SLC26A7: variants seen among roughly 807,000 people sequenced by gnomAD.
SLC26A7 encodes the protein solute carrier family 26 member 7.
A neutral mutation model predicts 82.5 loss-of-function variants in SLC26A7; 59 were observed. The ratio of observed to expected loss-of-function variants is 0.72; its 90% confidence interval spans 0.58 to 0.89. SLC26A7 has a LOEUF of 0.89. SLC26A7 is among the 40% of genes least tolerant of loss of function. The pLI is 0.00. For synonymous variants in SLC26A7, 271 were observed against 274.3 expected (o/e 0.99, Z 0.12); for missense variants, 820 against 793.0 (o/e 1.03, Z -0.41).
At chr8:91,365,283 TACACTA>T (rs1254987229) in intron 13 of SLC26A7, among the ~76,000 whole-genome samples, 1 of 152,210 alleles carries the variant, frequency 6.6e-6, no homozygotes, top group Non-Finnish European at 1.5e-5. Context: ...ACACATAAAA[TACACTA>T]ACACTAATGA....
intron 9 of SLC26A7, 72 bp from the exon 10 acceptor site, chr8:91,351,738 A>T: frequency 1.1e-6 from 1 of 916,486 alleles, no homozygotes. Flanking sequence ...TATCCCCCCC[A>T]CCCCATAACT....
intron 2 of SLC26A7, among the ~76,000 whole-genome samples, chr8:91,228,510 A>G (rs1810267777): frequency 6.6e-6 from 1 of 152,364 alleles, no homozygotes; most frequent in South Asian, 2.1e-4. Flanking sequence ...AGCCTGGATC[A>G]TGAGTTTCAG....
intron 2 of SLC26A7, among the ~76,000 whole-genome samples, chr8:91,233,592 A>AAAAAAG (rs776680231): frequency 1.7e-3 from 258 of 152,078 alleles, no homozygotes; most frequent in Non-Finnish European, 1.3e-3. Context: ...AGAAAAAGAA[A>AAAAAAG]AAAAAGAAAA....
At chr8:91,253,370 C>T (rs1810711873) in intron 2 of SLC26A7, among the ~76,000 whole-genome samples, 1 of 152,106 alleles carries the variant, frequency 6.6e-6, no homozygotes. Flanking sequence ...TTTCTATCCC[C>T]TCTCATTTTA....
intron 2 of SLC26A7, among the ~76,000 whole-genome samples, 188 bp from the exon 3 acceptor site, chr8:91,288,948 G>C (rs1359611914): frequency 2.0e-5 from 3 of 152,108 alleles, no homozygotes; most frequent in Non-Finnish European, 2.9e-5. Context: ...AATGGTTTTT[G>C]GAATCATAAC....
In SLC26A7 at chr8:91,397,570, A is replaced by G. The variant is rs1473159946; in HGVS notation, c.*2473A>G. The G allele has an allele frequency of 6.6e-6, 1 of 152,584 alleles. No homozygotes were observed. Among genetic ancestry groups the G allele is most frequent in the East Asian group, 1.9e-4 (1 of 5,202 alleles). The allele number at this position is 152,584 out of a possible 1,614,324, so 9.5% of individuals were successfully genotyped here. ...ATATAAATTAAGCATAAAATATGTAACCAGGAAAAGACTGTTAACATTACA... is the reference window on the plus strand; with the variant it reads ...ATATAAATTAAGCATAAAATATGTAGCCAGGAAAAGACTGTTAACATTACA... On this transcript the variant is annotated 3_prime_UTR_variant, in exon 19 of 19. Transcript: ENST00000276609.
At chr8:91,374,390 T>G (rs1188539474) in intron 15 of SLC26A7, among the ~76,000 whole-genome samples, 1 of 151,892 alleles carries the variant, frequency 6.6e-6, no homozygotes, top group East Asian at 1.9e-4. Context: ...ACACTGTTTT[T>G]TTTTTTGCTG....
intron 2 of SLC26A7, among the ~76,000 whole-genome samples, chr8:91,232,421 T>C (rs892021661): frequency 2.6e-5 from 4 of 152,238 alleles, no homozygotes; most frequent in African/African-American, 9.6e-5. Context: ...AGGGATACTT[T>C]ATTGTTAAAA....
chr8:91,374,667 G>T (rs1324795961), intron 15 of SLC26A7, among the ~76,000 whole-genome samples: 3 of 151,944 alleles, frequency 2.0e-5, no homozygotes, highest in Non-Finnish European at 4.4e-5. Flanking sequence ...CAATTTTACA[G>T]AATGTTCCAT....
At position 91,345,509 on chromosome 8, in the gene SLC26A7, A is replaced by G. The variant is rs552970043; in HGVS notation, c.1140+2043A>G. On this transcript the variant is annotated intron_variant, in intron 9 of 18. Coordinates refer to ENST00000276609, the MANE Select transcript of SLC26A7 (RefSeq NM_052832.4). ...TTATTTAGCACAATGCTTGAGCACT[A>G]AATGTCCTTAAAATGTTAAAAATGA... is the stretch of plus-strand genomic sequence containing the variant. 5.3e-5 allele frequency among the ~76,000 whole-genome samples: 8 copies of G among 152,328 alleles called. No individual in the cohort carries two copies. In the East Asian group the frequency reaches 1.5e-3, roughly 29 times the overall value.
chr8:91,289,426 T>A (rs941118985), intron 3 of SLC26A7, among the ~76,000 whole-genome samples, 180 bp downstream of exon 3: 11 of 152,222 alleles, frequency 7.2e-5, no homozygotes, highest in Non-Finnish European at 1.5e-4. Context: ...ATTGCTATAT[T>A]ACTGTGTAGC....
chr8:91,299,947 A>G (rs184910294), intron 4 of SLC26A7, among the ~76,000 whole-genome samples: 20 of 152,378 alleles, frequency 1.3e-4, no homozygotes, highest in Non-Finnish European at 2.8e-4. Context: ...GTTAAAAAAT[A>G]TAAGTCAAGT....
intron 11 of SLC26A7, among the ~76,000 whole-genome samples, chr8:91,361,059 T>C (rs1814035829): frequency 6.6e-6 from 1 of 152,142 alleles, no homozygotes; most frequent in African/African-American, 2.4e-5. Context: ...AGATGATGGA[T>C]CTTAACATGA....
At chr8:91,233,627 G>A (rs1017345282) in intron 2 of SLC26A7, among the ~76,000 whole-genome samples, 4 of 151,674 alleles carry the variant, frequency 2.6e-5, no homozygotes, top group Non-Finnish European at 5.9e-5. Flanking sequence ...TAGGAGAGGG[G>A]TGTGGAACCT....
At chr8:91,211,243 G>A (rs1048573642) in intron 1 of SLC26A7, among the ~76,000 whole-genome samples, 1 of 151,854 alleles carries the variant, frequency 6.6e-6, no homozygotes, top group Non-Finnish European at 1.5e-5. Flanking sequence ...ATGGATTCTA[G>A]CGTTATTAAA....
At chr8:91,258,601 G>A (rs1810872124) in intron 2 of SLC26A7, among the ~76,000 whole-genome samples, 1 of 152,044 alleles carries the variant, frequency 6.6e-6, no homozygotes, top group African/African-American at 2.4e-5. Flanking sequence ...TGTTTAAAGT[G>A]TGCCATAAAC....
chr8:91,284,322 G>A (rs187991788), intron 2 of SLC26A7, among the ~76,000 whole-genome samples: 305 of 152,250 alleles, frequency 2.0e-3, no homozygotes, highest in African/African-American at 6.8e-3. Flanking sequence ...GGGAGTATAG[G>A]CCAGGAGCCT....
chr8:91,323,396 C>G (rs1812845070), intron 5 of SLC26A7, among the ~76,000 whole-genome samples: 1 of 152,170 alleles, frequency 6.6e-6, no homozygotes, highest in African/African-American at 2.4e-5. Flanking sequence ...GTAGGCCAAA[C>G]TCTCTCCATC....
intron 2 of SLC26A7, among the ~76,000 whole-genome samples, chr8:91,278,411 C>G (rs1366085788): frequency 6.6e-6 from 1 of 152,028 alleles, no homozygotes; most frequent in African/African-American, 2.4e-5. Flanking sequence ...AAATCATTGT[C>G]ATATGTAGAA....
Sources: gnomAD v4.1 joint callset for allele counts (sites outside exome capture counted in the v4.1 genomes callset) on GRCh38, gnomAD v4.1.1 for gene constraint, MANE v1.5 for transcripts, NCBI Gene and HGNC (gene_info 2026-07-23, HGNC 2026-07-21) for gene names.